The following MTUS1 variants were observed in gnomAD, a reference collection of about 807,000 sequenced individuals.
The protein encoded by MTUS1 is microtubule-associated tumor suppressor 1.
Under a neutral mutation model 120.8 loss-of-function variants are expected in MTUS1, and 109 were observed. The ratio of observed to expected loss-of-function variants is 0.90; its 90% CI spans 0.77 to 1.06. MTUS1 has a LOEUF of 1.06. Among genes scored for constraint, MTUS1 ranks in the 50% least tolerant of loss-of-function variants. The pLI is 0.00. For missense variants in MTUS1, 2,210 were observed against 1,486.3 expected (o/e 1.49, Z -8.01); for synonymous variants, 737 against 550.5 (o/e 1.34, Z -4.74).
intron 2 of MTUS1, among the ~76,000 whole-genome samples, chr8:17,751,878 A>G (rs1335327167): frequency 2.2e-4 from 33 of 151,550 alleles, no homozygotes; most frequent in Non-Finnish European, 3.8e-4. Context: ...AAAAAAAAAA[A>G]AAAAAAAAGA....
At chr8:17,775,223 C>G (rs749672302) in intron 1 of MTUS1, among the ~76,000 whole-genome samples, 4 of 151,902 alleles carry the variant, frequency 2.6e-5, no homozygotes, top group African/African-American at 7.3e-5. Flanking sequence ...ACCGTACACT[C>G]AAAAATGGTT....
intron 1 of MTUS1, among the ~76,000 whole-genome samples, chr8:17,772,729 C>A (rs547004180): frequency 6.6e-6 from 1 of 152,228 alleles, no homozygotes; most frequent in African/African-American, 2.4e-5. Flanking sequence ...AATCTAGGCA[C>A]TAAGTAAAAG....
chr8:17,678,135 G>T (rs1025804760), intron 7 of MTUS1, among the ~76,000 whole-genome samples: 3 of 152,070 alleles, frequency 2.0e-5, no homozygotes, highest in Admixed American at 2.0e-4. Flanking sequence ...ACATACTAAG[G>T]GTTAGTTTCT....
At chr8:17,721,798 T>A (rs375537091) in intron 4 of MTUS1, 1 of 1,614,182 alleles carries the variant, frequency 6.2e-7, no homozygotes, top group South Asian at 1.1e-5. Flanking sequence ...GGTAGCATCA[T>A]AGTGCCTCTC....
chr8:17,648,002 C>T (rs1806197045), intron 13 of MTUS1, among the ~76,000 whole-genome samples: 1 of 152,150 alleles, frequency 6.6e-6, no homozygotes, highest in African/African-American at 2.4e-5. Context: ...AATCACTTTC[C>T]AGAAAAGGAG....
At chr8:17,655,632 G>A (rs985713073) in intron 9 of MTUS1, among the ~76,000 whole-genome samples, 2 of 152,142 alleles carry the variant, frequency 1.3e-5, no homozygotes, top group African/African-American at 4.8e-5. Flanking sequence ...GTTGAGGAAG[G>A]AGAATCACTT....
At chr8:17,713,586 G>A (rs191483076) in intron 5 of MTUS1, among the ~76,000 whole-genome samples, 5 of 152,266 alleles carry the variant, frequency 3.3e-5, no homozygotes, top group Admixed American at 1.3e-4. Context: ...GTGCACATAT[G>A]CCATTCTGCT....
rs947850343 is a variant in MTUS1 at position 17,655,909 on chromosome 8, G to A, written c.3062C>T (p.Thr1021Ile). Reference sequence around the variant, plus strand: ...GTACTTCTCTGCTTCTTCAATGTAAGTGTCCCGAAGCTTTTCATACTCCCT... The same window carrying A: ...GTACTTCTCTGCTTCTTCAATGTAAATGTCCCGAAGCTTTTCATACTCCCT... ...YTREYEKLRD[T>I]YIEEAEKYKM... The change falls in exon 9 of 15, where the codon ACT (threonine) becomes ATT (isoleucine). Residue 1021 changes from threonine (T) to isoleucine (I), a missense_variant. Thr to Ile is a moderately conservative substitution (Grantham distance 89). Coordinates refer to ENST00000693296, the MANE Select transcript of MTUS1 (RefSeq NM_001363059.2). 12 of 1,614,110 alleles carry A rather than the reference G, an allele frequency of 7.4e-6. No individual in the cohort carries two copies. Among genetic ancestry groups the A allele is most frequent in the Middle Eastern group, 3.3e-4 (2 of 6,084 alleles).
At chr8:17,697,959 C>T (rs946935221) in intron 6 of MTUS1, among the ~76,000 whole-genome samples, 2 of 152,080 alleles carry the variant, frequency 1.3e-5, no homozygotes, top group African/African-American at 4.8e-5. Context: ...ATGTAAACTA[C>T]ATTTAAACCT....
chr8:17,782,439 C>T (rs1287774393), intron 1 of MTUS1, among the ~76,000 whole-genome samples: 5 of 152,118 alleles, frequency 3.3e-5, no homozygotes, highest in East Asian at 1.9e-4. Flanking sequence ...CTCTAGGAAA[C>T]AAGACTATAA....
rs200755087 is a variant in MTUS1 at position 17,656,075 on chromosome 8, G to A, written c.2906-10C>T. The A allele has an allele frequency of 2.5e-6, 4 of 1,613,564 alleles. No individual in the cohort carries two copies. The highest frequency in any genetic ancestry group is 3.4e-6 in the Non-Finnish European group (4 of 1,179,484). ...GTGGTTGAAGCAGTGACTGAAAACA[G>A]AGGAGAAAGAAGAGGGAAGAGGTCA... is the stretch of plus-strand genomic sequence containing the variant. On this transcript the variant is annotated splice_polypyrimidine_tract_variant and intron_variant, in intron 8 of 14. Coordinates refer to ENST00000693296, the MANE Select transcript of MTUS1 (RefSeq NM_001363059.2).
chr8:17,687,295 C>A (rs1450316449), intron 6 of MTUS1, among the ~76,000 whole-genome samples: 1 of 152,086 alleles, frequency 6.6e-6, no homozygotes, highest in Non-Finnish European at 1.5e-5. Context: ...CCACATGCTT[C>A]CCACTCTCAG....
chr8:17,792,071 C>T (rs2051834845), intron 1 of MTUS1, among the ~76,000 whole-genome samples: 1 of 152,144 alleles, frequency 6.6e-6, no homozygotes, highest in African/African-American at 2.4e-5. Flanking sequence ...AGTCTGTGCA[C>T]TCTCTATGAC....
At chr8:17,665,856 T>C (rs1377177697) in intron 8 of MTUS1, among the ~76,000 whole-genome samples, 2 of 152,118 alleles carry the variant, frequency 1.3e-5, no homozygotes, top group East Asian at 1.9e-4. Flanking sequence ...AAAATGACCT[T>C]TCCCCCCCTA....
Position 17,679,356 on chromosome 8 carries a change from C to CGCGT in MTUS1, c.2839-4105_2839-4104insACGC, listed in dbSNP as rs1554478228. Among the ~76,000 whole-genome samples, 666 of 112,578 alleles carry CGCGT rather than the reference C, an allele frequency of 5.9e-3. 4 individuals carry two copies. The highest frequency in any genetic ancestry group is 0.018 in the African/African-American group (635 of 35,630). The allele number at this position is 112,578 out of a possible 152,430, so 73.9% of individuals were successfully genotyped here. On this transcript the variant is annotated intron_variant, in intron 7 of 14. Transcript: ENST00000693296. ...ATATACATATGCATGTGTGCGCGCG[C>CGCGT]GTGTGTGTGTGTGTGTGTGTGTATA...
intron 1 of MTUS1, among the ~76,000 whole-genome samples, chr8:17,786,274 G>A (rs1001445536): frequency 1.3e-5 from 2 of 152,300 alleles, no homozygotes; most frequent in African/African-American, 2.4e-5. Flanking sequence ...GACCAAGCCC[G>A]ATGAGTTACT....
At chr8:17,675,675 A>T (rs942466533) in intron 7 of MTUS1, among the ~76,000 whole-genome samples, 2 of 152,252 alleles carry the variant, frequency 1.3e-5, no homozygotes, top group African/African-American at 4.8e-5. Context: ...ACTTTGTCCT[A>T]TATTTGCACA....
Position 17,715,914 on chromosome 8 carries a change from A to G in MTUS1, c.2450-13T>C, listed in dbSNP as rs1357316864. ...GCGGCATTACCAGCTGTAATAAAAC[A>G]GAAAAGTACATTTTATTGTATAGAT... is the stretch of plus-strand genomic sequence containing the variant. On this transcript the variant is annotated splice_polypyrimidine_tract_variant and intron_variant, in intron 4 of 14. Coordinates refer to ENST00000693296, the MANE Select transcript of MTUS1 (RefSeq NM_001363059.2). 6.2e-7 allele frequency: 1 copy of G among 1,604,980 alleles called. No individual in the cohort carries two copies. The highest frequency in any genetic ancestry group is 8.5e-7 in the Non-Finnish European group (1 of 1,177,240).
At chr8:17,758,023 A>T (rs2048755369) in intron 1 of MTUS1, 1 of 152,078 alleles carries the variant, frequency 6.6e-6, no homozygotes, top group Non-Finnish European at 1.5e-5. Flanking sequence ...ACACACTTGA[A>T]CTAATTTTCT....
Sources: gnomAD v4.1 joint callset for allele counts (sites outside exome capture counted in the v4.1 genomes callset) on GRCh38, gnomAD v4.1.1 for gene constraint, MANE v1.5 for transcripts, NCBI Gene and HGNC (gene_info 2026-07-23, HGNC 2026-07-21) for gene names.